Variants in DENND1B observed in about 807,000 individuals in gnomAD.
DENND1B encodes the protein DENN domain containing 1B, also known as DENN domain-containing protein 1B.
In DENND1B, 59 loss-of-function variants were observed where a neutral mutation model predicts 90.1. The observed-to-expected ratio is 0.65, with a 90% CI of 0.53 to 0.81. The LOEUF (loss-of-function observed/expected upper bound fraction) is 0.81. Ranked by LOEUF, DENND1B falls within the 40% of genes least tolerant of loss-of-function variation. The pLI, the probability that DENND1B is intolerant of heterozygous loss-of-function variation, is 0.00. For synonymous variants in DENND1B, 337 were observed against 324.6 expected (o/e 1.04, Z -0.41); for missense variants, 862 against 912.6 (o/e 0.94, Z 0.71).
At chr1:197,560,794 C>G (rs1025783162) in intron 15 of DENND1B, among the ~76,000 whole-genome samples, 2 of 151,908 alleles carry the variant, frequency 1.3e-5, no homozygotes, top group African/African-American at 4.8e-5. Flanking sequence ...CTCTCCCCAT[C>G]CATTTCACAA....
intron 2 of DENND1B, among the ~76,000 whole-genome samples, chr1:197,772,387 T>C (rs1656735287): frequency 6.6e-6 from 1 of 152,162 alleles, no homozygotes; most frequent in African/African-American, 2.4e-5. Flanking sequence ...GGGCAAAGAC[T>C]TAACACCTAT....
At chr1:197,773,432 A>G (rs1228034046) in intron 1 of DENND1B, among the ~76,000 whole-genome samples, 5 of 152,202 alleles carry the variant, frequency 3.3e-5, no homozygotes, top group Admixed American at 6.5e-5. Context: ...TCCACCTGCC[A>G]AGTTCTAGAT....
At chr1:197,513,866 C>G (rs1668212258) in intron 20 of DENND1B, among the ~76,000 whole-genome samples, 1 of 151,532 alleles carries the variant, frequency 6.6e-6, no homozygotes. Flanking sequence ...AACATGCTAT[C>G]CTGTCCTCAC....
chr1:197,609,229 T>C (rs1212050282), intron 12 of DENND1B, among the ~76,000 whole-genome samples: 1 of 150,674 alleles, frequency 6.6e-6, no homozygotes, highest in Non-Finnish European at 1.5e-5. Flanking sequence ...TAAGAACAAC[T>C]GTAAGGTGGT....
At chr1:197,643,460 ATC>A (rs755218730) in intron 9 of DENND1B, among the ~76,000 whole-genome samples, 70 of 152,176 alleles carry the variant, frequency 4.6e-4, no homozygotes, top group African/African-American at 1.6e-3. Flanking sequence ...CTGGCCAAGA[ATC>A]TGTTTTGTAA....
chr1:197,595,893 T>G (rs1675645393), intron 13 of DENND1B, among the ~76,000 whole-genome samples: 1 of 152,124 alleles, frequency 6.6e-6, no homozygotes, highest in Non-Finnish European at 1.5e-5. Context: ...ATGCAAATGT[T>G]ATACATTGTG....
At chr1:197,657,983 C>T (rs1458853912) in intron 6 of DENND1B, among the ~76,000 whole-genome samples, 2 of 152,040 alleles carry the variant, frequency 1.3e-5, no homozygotes, top group South Asian at 4.1e-4. Context: ...ATGAAATAAG[C>T]CAGTCACTTG....
chr1:197,697,947 T>C (rs189167387), intron 3 of DENND1B, among the ~76,000 whole-genome samples: 1 of 152,158 alleles, frequency 6.6e-6, no homozygotes, highest in East Asian at 1.9e-4. Context: ...CAAAGAGACT[T>C]AGACTCCCAC....
intron 2 of DENND1B, among the ~76,000 whole-genome samples, chr1:197,727,702 A>G (rs1181720467): frequency 6.6e-6 from 1 of 152,168 alleles, no homozygotes; most frequent in African/African-American, 2.4e-5. Context: ...TCACAAAGAT[A>G]ATTTGTCATG....
intron 20 of DENND1B, among the ~76,000 whole-genome samples, chr1:197,525,124 T>C (rs1031854767): frequency 1.3e-5 from 2 of 152,172 alleles, no homozygotes; most frequent in Non-Finnish European, 2.9e-5. Context: ...ACAGGAGGTC[T>C]CATTATTCAC....
rs1442854313 is a variant in DENND1B at position 197,647,131 on chromosome 1, G to T, written c.448-17C>A. ...CTCTTGGTTCTTATAATACATGAGA[G>T]AAAAAAATGAATATTTTACTTTCAT... On this transcript the variant is annotated splice_polypyrimidine_tract_variant and intron_variant, in intron 7 of 22. Transcript: ENST00000620048. 42 of 1,408,478 alleles carry T rather than the reference G, an allele frequency of 3.0e-5. No homozygotes were observed. The highest frequency in any genetic ancestry group is 3.9e-5 in the Non-Finnish European group (42 of 1,081,892). 87.2% of individuals were successfully genotyped at this position (1,408,478 alleles called of 1,614,324 possible). A position where few individuals can be genotyped will look rare whatever the true frequency, so the allele number is the denominator to read the frequency against.
At chr1:197,609,370 G>A (rs537469317) in intron 12 of DENND1B, among the ~76,000 whole-genome samples, 17 of 150,482 alleles carry the variant, frequency 1.1e-4, no homozygotes, top group African/African-American at 4.1e-4. Context: ...ATAAACCTGG[G>A]TCAACATTTT....
At chr1:197,757,325 A>T (rs1460248912) in intron 2 of DENND1B, 1 of 152,182 alleles carries the variant, frequency 6.6e-6, no homozygotes, top group Non-Finnish European at 1.5e-5. Context: ...ACAACAGTGA[A>T]CAAAAGCAGT....
At chr1:197,635,490 C>A (rs950640989) in intron 10 of DENND1B, among the ~76,000 whole-genome samples, 25 of 151,958 alleles carry the variant, frequency 1.6e-4, no homozygotes, top group African/African-American at 6.0e-4. Context: ...GCGTGTGACA[C>A]CACACCCAGC....
chr1:197,715,966 A>C (rs2102243881), intron 2 of DENND1B, among the ~76,000 whole-genome samples: 1 of 151,960 alleles, frequency 6.6e-6, no homozygotes, highest in East Asian at 1.9e-4. Context: ...TGAAAGCCCA[A>C]GATAAGACTA....
chr1:197,531,070 C>T (rs1375820917), intron 20 of DENND1B, among the ~76,000 whole-genome samples: 1 of 152,160 alleles, frequency 6.6e-6, no homozygotes, highest in Non-Finnish European at 1.5e-5. Context: ...GAACTCTGGG[C>T]ACATTTATTA....
intron 22 of DENND1B, 79 bp downstream of exon 22, chr1:197,511,647 CAA>C (rs1194615275): frequency 9.0e-7 from 1 of 1,114,422 alleles, no homozygotes; most frequent in Non-Finnish European, 1.2e-6. Flanking sequence ...CTTCTACCAA[CAA>C]AGAGTATAAG....
chr1:197,552,431 A>G, intron 16 of DENND1B: 3 of 985,482 alleles, frequency 3.0e-6, no homozygotes, highest in Non-Finnish European at 3.6e-6. Context: ...TTTGTAAATT[A>G]TTAATTGCCT....
intron 6 of DENND1B, among the ~76,000 whole-genome samples, chr1:197,654,851 T>C (rs1016368673): frequency 6.6e-6 from 1 of 152,180 alleles, no homozygotes; most frequent in African/African-American, 2.4e-5. Context: ...TATTTTCAAA[T>C]ATAGTCTGCA....
Sources: gnomAD v4.1 joint callset for allele counts (sites outside exome capture counted in the v4.1 genomes callset) on GRCh38, gnomAD v4.1.1 for gene constraint, MANE v1.5 for transcripts, NCBI Gene and HGNC (gene_info 2026-07-23, HGNC 2026-07-21) for gene names.